The following RIMBP2 variants were observed in gnomAD, a reference collection of about 807,000 sequenced individuals.
RIMBP2 encodes the protein RIMS-binding protein 2.
RIMBP2 carries 48 observed loss-of-function variants against 118.6 expected under a neutral mutation model. That is an observed-to-expected ratio of 0.40 (90% CI 0.32 to 0.51). The LOEUF is 0.51. Among genes scored for constraint, RIMBP2 ranks in the 20% least tolerant of loss-of-function variants. The probability of loss-of-function intolerance (pLI) is 0.41; values close to 1 mark genes in which losing one functional copy is unlikely to be tolerated. For missense variants in RIMBP2, 1,551 were observed against 1,768.3 expected (o/e 0.88, Z 2.20); for synonymous variants, 762 against 742.9 (o/e 1.03, Z -0.42).
intron 2 of RIMBP2, among the ~76,000 whole-genome samples, chr12:130,538,655 A>C (rs139707544): frequency 6.6e-6 from 1 of 152,324 alleles, no homozygotes; most frequent in Non-Finnish European, 1.5e-5. Context: ...GTTTTCTGAA[A>C]TGGCAAAATG....
At chr12:130,460,624 G>T (rs749416249) in intron 6 of RIMBP2, among the ~76,000 whole-genome samples, 2 of 152,156 alleles carry the variant, frequency 1.3e-5, no homozygotes, top group African/African-American at 4.8e-5. Context: ...ACCTGCAAGC[G>T]TACTGGCGTT....
intron 2 of RIMBP2, among the ~76,000 whole-genome samples, chr12:130,588,091 C>T (rs1452639469): frequency 6.6e-6 from 1 of 152,112 alleles, no homozygotes; most frequent in African/African-American, 2.4e-5. Context: ...GTTCCCCCAT[C>T]CCATCTGAAT....
chr12:130,576,734 G>A lies in RIMBP2; in HGVS notation c.-217+51588C>T, dbSNP rs138646767. Among the ~76,000 whole-genome samples the A allele has an allele frequency of 1.7e-3, 261 of 152,326 alleles. 1 individual carries two copies. The highest frequency in any genetic ancestry group is 5.5e-3 in the African/African-American group (229 of 41,578). On this transcript the variant is annotated intron_variant, in intron 2 of 22. Coordinates refer to ENST00000690449, the MANE Select transcript of RIMBP2 (RefSeq NM_001393629.1). This position sits in a 1 kb window ranked among gnomAD's most constrained non-coding sequence, Gnocchi z 4.2. ...GCGAGGAGGAGCCCCGCCGAGCGCCGAGAGGCATATGTGCGCACCACATGC... is the reference window on the plus strand; with the variant it reads ...GCGAGGAGGAGCCCCGCCGAGCGCCAAGAGGCATATGTGCGCACCACATGC...
chr12:130,509,174 T>A (rs866761059), intron 3 of RIMBP2, among the ~76,000 whole-genome samples: 1 of 152,102 alleles, frequency 6.6e-6, no homozygotes, highest in African/African-American at 2.4e-5. Context: ...CTACCTTCCC[T>A]AATTGATTAG....
At position 130,456,632 on chromosome 12, in the gene RIMBP2, G is replaced by A. The variant is rs1166887633; in HGVS notation, c.222C>T (p.Asp74=). Residue 74 remains aspartate, a synonymous_variant, in exon 7 of 23, where the codon GAC becomes GAT. Coordinates refer to ENST00000690449, the MANE Select transcript of RIMBP2 (RefSeq NM_001393629.1). ...QSEQFNLLSR[D]LEKFRQHAGK... ...CAGCGTGCTGCCGGAACTTCTCCAG[G>A]TCCCGGGACAGCAGGTTGAACTGCT... is the stretch of plus-strand genomic sequence containing the variant. 2.5e-6 allele frequency: 4 copies of A among 1,613,426 alleles called. No individual in the cohort carries two copies. Among genetic ancestry groups the A allele is most frequent in the Non-Finnish European group, 2.5e-6 (3 of 1,179,794 alleles).
intron 1 of RIMBP2, among the ~76,000 whole-genome samples, chr12:130,712,555 G>A (rs943468865): frequency 6.6e-6 from 1 of 152,094 alleles, no homozygotes; most frequent in Non-Finnish European, 1.5e-5. Flanking sequence ...GTGTGCCGTC[G>A]CCTCCCACGA....
chr12:130,516,499 A>G (rs1201337746), intron 3 of RIMBP2, among the ~76,000 whole-genome samples: 2 of 152,236 alleles, frequency 1.3e-5, no homozygotes, highest in Admixed American at 1.3e-4. Flanking sequence ...GAAAAGATAC[A>G]AAGAACATGA....
intron 6 of RIMBP2, among the ~76,000 whole-genome samples, chr12:130,467,776 C>T (rs2080624489): frequency 1.3e-5 from 2 of 152,170 alleles, no homozygotes; most frequent in South Asian, 2.1e-4. Context: ...TGATGACTCA[C>T]ATCTCTCTAA....
chr12:130,518,804 G>A (rs2051758762), intron 2 of RIMBP2, among the ~76,000 whole-genome samples: 1 of 152,186 alleles, frequency 6.6e-6, no homozygotes, highest in Non-Finnish European at 1.5e-5. Flanking sequence ...CATTCAAGAT[G>A]AGTCTGAAAA....
chr12:130,516,839 C>A (rs141361004), intron 3 of RIMBP2, among the ~76,000 whole-genome samples: 93 of 152,210 alleles, frequency 6.1e-4, no homozygotes, highest in Admixed American at 6.0e-3. Flanking sequence ...GAGGGCATCA[C>A]AAGATCACTC....
chr12:130,605,188 G>A (rs2060112037), intron 2 of RIMBP2, among the ~76,000 whole-genome samples: 2 of 152,188 alleles, frequency 1.3e-5, no homozygotes, highest in African/African-American at 4.8e-5. Flanking sequence ...TTAAAAGCTG[G>A]AAAGATACAT....
intron 2 of RIMBP2, among the ~76,000 whole-genome samples, chr12:130,594,311 G>A (rs971096939): frequency 6.6e-6 from 1 of 152,166 alleles, no homozygotes; most frequent in Non-Finnish European, 1.5e-5. Flanking sequence ...TCAAAATGTG[G>A]GTCACAATTC....
chr12:130,430,163 G>T (rs188948719), intron 14 of RIMBP2: 3 of 152,432 alleles, frequency 2.0e-5, no homozygotes, highest in African/African-American at 7.2e-5. Context: ...GTAAACGACA[G>T]GGCTGGGACC....
chr12:130,506,576 C>T (rs2050383008), intron 4 of RIMBP2, 72 bp downstream of exon 4: 9 of 976,540 alleles, frequency 9.2e-6, no homozygotes, highest in Non-Finnish European at 1.1e-5. Flanking sequence ...GCTCGGGGTC[C>T]TGCAGCCCCT....
chr12:130,545,833 T>C (rs2055087294), intron 2 of RIMBP2, among the ~76,000 whole-genome samples: 1 of 152,224 alleles, frequency 6.6e-6, no homozygotes, highest in Admixed American at 6.5e-5. Context: ...CCATTTTTCA[T>C]ACAAATGTTT....
At chr12:130,448,111 G>A (rs1006678607) in intron 9 of RIMBP2, among the ~76,000 whole-genome samples, 13 of 148,110 alleles carry the variant, frequency 8.8e-5, no homozygotes, top group African/African-American at 2.7e-4. Context: ...TTGAGAGAGG[G>A]TGGGTGGTTA....
chr12:130,490,343 T>G (rs1009960090), intron 4 of RIMBP2, among the ~76,000 whole-genome samples: 1 of 152,174 alleles, frequency 6.6e-6, no homozygotes, highest in Non-Finnish European at 1.5e-5. Flanking sequence ...TACAATCTGA[T>G]AATGTTTTTG....
intron 4 of RIMBP2, among the ~76,000 whole-genome samples, chr12:130,479,267 A>G (rs1491003212): frequency 6.6e-6 from 1 of 152,232 alleles, no homozygotes; most frequent in Non-Finnish European, 1.5e-5. Context: ...TGCAGCGAGC[A>G]TTTGAGCAGA....
At position 130,450,570 on chromosome 12, in the gene RIMBP2, C is replaced by A. The variant is rs1482345039; in HGVS notation, c.505-294G>T. Among the ~76,000 whole-genome samples, 1 of 152,048 alleles carries A rather than the reference C, an allele frequency of 6.6e-6. No individual in the cohort carries two copies. Among genetic ancestry groups the A allele is most frequent in the African/African-American group, 2.4e-5 (1 of 41,404 alleles). On this transcript the variant is annotated intron_variant, in intron 8 of 22. Transcript: ENST00000690449. This position sits in a 1 kb window ranked among gnomAD's most constrained non-coding sequence, Gnocchi z 4.8. ...TCCGCCCAGTGTCTCCTACAGCAAT[C>A]CCGGGAGTCAGCGGCGTGGCCTTTT...
Sources: allele counts gnomAD v4.1 joint callset (sites outside exome capture counted in the v4.1 genomes callset), GRCh38; gene constraint gnomAD v4.1.1; non-coding constraint Gnocchi (gnomAD v3.1); transcripts MANE v1.5; gene names NCBI Gene and HGNC (gene_info 2026-07-23, HGNC 2026-07-21).